USP48: variants seen among roughly 807,000 people sequenced by gnomAD.
USP48 encodes the protein ubiquitin carboxyl-terminal hydrolase 48.
In USP48, 43 loss-of-function variants were observed where a neutral mutation model predicts 150.7. The ratio of observed to expected loss-of-function variants is 0.29; its 90% CI spans 0.22 to 0.37. The LOEUF (loss-of-function observed/expected upper bound fraction) is 0.37, where lower values mean the gene tolerates loss of function less well. Ranked by LOEUF, USP48 falls within the 10% of genes least tolerant of loss-of-function variation. USP48 has a pLI of 1.00. For missense variants in USP48, 813 were observed against 1,249.6 expected, an observed-to-expected ratio of 0.65 and a Z score of 5.27; for synonymous variants, 396 against 425.9, an observed-to-expected ratio of 0.93 and a Z score of 0.86.
rs1380313755 is a variant in USP48 at position 21,687,199 on chromosome 1, ACAT to A, written c.3047_3049del (p.Asp1016del). Reference sequence around the variant, plus strand: ...AACAAATTCATCTTTACCTTGCATGACATCATCCATTGCAGCATAATCTGCAAT... The same window carrying A: ...AACAAATTCATCTTTACCTTGCATGACATCCATTGCAGCATAATCTGCAAT... On this transcript the variant is annotated inframe_deletion, in exon 25 of 27. Coordinates refer to ENST00000308271, the MANE Select transcript of USP48 (RefSeq NM_032236.8). 1 of 1,613,132 alleles carries A rather than the reference ACAT, an allele frequency of 6.2e-7. No homozygotes were observed. The highest frequency in any genetic ancestry group is 1.7e-5 in the Admixed American group (1 of 59,984).
intron 9 of USP48, among the ~76,000 whole-genome samples, chr1:21,732,202 C>A (rs566258398): frequency 6.6e-6 from 1 of 152,094 alleles, no homozygotes; most frequent in South Asian, 2.1e-4. Context: ...CTGCTTGAAC[C>A]CAGAAGGCGG....
chr1:21,702,083 C>T (rs2097658670), intron 21 of USP48, among the ~76,000 whole-genome samples: 1 of 152,108 alleles, frequency 6.6e-6, no homozygotes. Context: ...GAAACTACAT[C>T]TAAATTGGAT....
chr1:21,707,536 A>T (rs1051165039), intron 15 of USP48, among the ~76,000 whole-genome samples: 5 of 152,184 alleles, frequency 3.3e-5, no homozygotes, highest in African/African-American at 1.2e-4. Flanking sequence ...AGAAGATATA[A>T]AAAAATAATA....
At chr1:21,759,829 T>C (rs1016914882) in intron 1 of USP48, among the ~76,000 whole-genome samples, 2 of 152,184 alleles carry the variant, frequency 1.3e-5, no homozygotes, top group African/African-American at 4.8e-5. Flanking sequence ...CCATTTGGCA[T>C]ACATCAGATT....
At chr1:21,704,107 C>T (rs1041899205) in intron 20 of USP48, among the ~76,000 whole-genome samples, 155 bp downstream of exon 20, 7 of 152,086 alleles carry the variant, frequency 4.6e-5, no homozygotes, top group Admixed American at 6.6e-5. Flanking sequence ...CATAAATAAA[C>T]GTACAAATAA....
At chr1:21,732,351 T>C (rs1172711524) in intron 9 of USP48, among the ~76,000 whole-genome samples, 1 of 152,172 alleles carries the variant, frequency 6.6e-6, no homozygotes, top group Admixed American at 6.6e-5. Context: ...CCACGTGCTT[T>C]TCTAAAATGG....
chr1:21,716,350 G>A (rs1395505968), intron 14 of USP48, among the ~76,000 whole-genome samples: 1 of 152,166 alleles, frequency 6.6e-6, no homozygotes, highest in Non-Finnish European at 1.5e-5. Context: ...GGGTTGCTAG[G>A]TGACCAGTCA....
chr1:21,748,406 T>C, intron 6 of USP48, 135 bp from the exon 7 acceptor site: 2 of 759,230 alleles, frequency 2.6e-6, no homozygotes, highest in Non-Finnish European at 4.1e-6. Flanking sequence ...CTACTATAAA[T>C]AATGGACACA....
intron 14 of USP48, among the ~76,000 whole-genome samples, chr1:21,717,104 T>C (rs528964958): frequency 5.3e-5 from 8 of 151,646 alleles, no homozygotes; most frequent in South Asian, 4.2e-4. Context: ...TACTAATCAT[T>C]CAAAAACTGA....
Position 21,728,728 on chromosome 1 carries a change from A to G in USP48, c.1301-9T>C, listed in dbSNP as rs1268452281. 4.3e-6 allele frequency: 7 copies of G among 1,612,822 alleles called. No individual in the cohort carries two copies. The Admixed American group carries it at 1.2e-4, about 27-fold the overall frequency. ...CAGCTCTTGAAGAAAGGCTATTCAAAACAGAAAGACAAAAAACAACTTTAT... is the reference window on the plus strand; with the variant it reads ...CAGCTCTTGAAGAAAGGCTATTCAAGACAGAAAGACAAAAAACAACTTTAT... On this transcript the variant is annotated splice_polypyrimidine_tract_variant and intron_variant, in intron 10 of 26. Transcript: ENST00000308271.
At chr1:21,751,058 C>T (rs2097811428) in intron 6 of USP48, among the ~76,000 whole-genome samples, 1 of 152,154 alleles carries the variant, frequency 6.6e-6, no homozygotes, top group African/African-American at 2.4e-5. Flanking sequence ...CAAAGGGTTC[C>T]TCTTAGCAGT....
intron 6 of USP48, among the ~76,000 whole-genome samples, chr1:21,749,456 T>C (rs2097803464): frequency 6.6e-6 from 1 of 152,078 alleles, no homozygotes; most frequent in African/African-American, 2.4e-5. Flanking sequence ...CTAATTCCTC[T>C]CAACCCTGCT....
intron 15 of USP48, among the ~76,000 whole-genome samples, chr1:21,713,012 C>T (rs950126865): frequency 6.6e-6 from 1 of 152,128 alleles, no homozygotes; most frequent in South Asian, 2.1e-4. Context: ...AAAAAAATAA[C>T]CCTTGTATAC....
At chr1:21,724,160 C>G in intron 11 of USP48, 65 bp from the exon 12 acceptor site, 1 of 1,465,864 alleles carries the variant, frequency 6.8e-7, no homozygotes, top group Non-Finnish European at 9.4e-7. Flanking sequence ...GTGATACATT[C>G]ATTTTTCTCA....
intron 1 of USP48, among the ~76,000 whole-genome samples, chr1:21,758,185 AACACAC>A (rs149088635): frequency 0.018 from 2,492 of 141,432 alleles, 35 homozygotes; most frequent in African/African-American, 0.03. Flanking sequence ...GCAACTGTAA[AACACAC>A]ACACACACAC....
intron 3 of USP48, among the ~76,000 whole-genome samples, chr1:21,754,486 G>A (rs2152594913): frequency 6.6e-6 from 1 of 152,146 alleles, no homozygotes; most frequent in East Asian, 1.9e-4. Context: ...TCTTCTTTAA[G>A]TTATTAACTT....
intron 8 of USP48, among the ~76,000 whole-genome samples, chr1:21,739,947 TG>T (rs2097777506): frequency 6.6e-6 from 1 of 152,280 alleles, no homozygotes; most frequent in South Asian, 2.1e-4. Flanking sequence ...AGTTTGGTCT[TG>T]TTGCCCAGGC....
chr1:21,699,569 A>G (rs1351940262), intron 22 of USP48, among the ~76,000 whole-genome samples: 1 of 151,168 alleles, frequency 6.6e-6, no homozygotes, highest in Non-Finnish European at 1.5e-5. Flanking sequence ...GCTGGAGTGC[A>G]GTGGCGTGAT....
chr1:21,743,997 T>C (rs971573346), intron 8 of USP48, among the ~76,000 whole-genome samples: 1 of 152,176 alleles, frequency 6.6e-6, no homozygotes, highest in African/African-American at 2.4e-5. Flanking sequence ...CAAAAGAATC[T>C]TAATAGTATT....
Sources: allele counts gnomAD v4.1 joint callset (sites outside exome capture counted in the v4.1 genomes callset), GRCh38; gene constraint gnomAD v4.1.1; transcripts MANE v1.5; gene names NCBI Gene and HGNC (gene_info 2026-07-23, HGNC 2026-07-21).